The following CTCF variants were observed in gnomAD, a reference collection of about 807,000 sequenced individuals.
The protein encoded by CTCF is transcriptional repressor CTCF.
In CTCF, 7 loss-of-function variants were observed where a neutral mutation model predicts 72.3. The observed-to-expected ratio is 0.10, with a 90% confidence interval of 0.06 to 0.18. The LOEUF is 0.18. CTCF is among the 10% of genes least tolerant of loss of function. CTCF has a pLI of 1.00. For synonymous variants in CTCF, 374 were observed against 315.8 expected, an observed-to-expected ratio of 1.18 and a Z score of -1.95; for missense variants, 516 against 949.1, an observed-to-expected ratio of 0.54 and a Z score of 6.00.
At position 67,637,868 on chromosome 16, in the gene CTCF, G is replaced by A. The variant is rs1422302518; in HGVS notation, c.2180G>A (p.Arg727Gln). 6.2e-7 allele frequency: 1 copy of A among 1,607,952 alleles called. No homozygotes were observed. Among genetic ancestry groups the A allele is most frequent in the Admixed American group, 1.7e-5 (1 of 59,356 alleles). Reference protein sequence around the residue: ...TPEMILSMMDR With the variant: ...TPEMILSMMDQ ...GAGATGATCCTCAGCATGATGGACC[G>A]GTGATGGCGGAGCCTTGTGCGTCGC... The change falls in exon 12 of 12, where the codon CGG (arginine) becomes CAG (glutamine). Residue 727 changes from arginine (R) to glutamine (Q), a missense_variant. Arg to Gln is a conservative substitution (Grantham distance 43, BLOSUM62 1). Coordinates refer to ENST00000264010, the MANE Select transcript of CTCF (RefSeq NM_006565.4).
chr16:67,589,819 G>T (rs545253598), intron 2 of CTCF, among the ~76,000 whole-genome samples: 5 of 152,134 alleles, frequency 3.3e-5, no homozygotes, highest in Non-Finnish European at 5.9e-5. Flanking sequence ...GGACGCGGTG[G>T]CTCACACCTG....
chr16:67,582,331 G>A (rs2051594503), intron 2 of CTCF, among the ~76,000 whole-genome samples: 1 of 152,060 alleles, frequency 6.6e-6, no homozygotes, highest in Non-Finnish European at 1.5e-5. Context: ...AGCAGTCCTT[G>A]TTTGCCCTGA....
chr16:67,637,374 A>G (rs919754184), intron 11 of CTCF, among the ~76,000 whole-genome samples: 3 of 152,156 alleles, frequency 2.0e-5, no homozygotes, highest in African/African-American at 7.2e-5. Context: ...TCTGCTAAAA[A>G]TACAAAAATT....
chr16:67,618,165 G>A (rs1184935924), intron 5 of CTCF, among the ~76,000 whole-genome samples: 1 of 152,236 alleles, frequency 6.6e-6, no homozygotes, highest in Non-Finnish European at 1.5e-5. Context: ...AGTACTTTGG[G>A]AGGTTGAGGT....
intron 5 of CTCF, among the ~76,000 whole-genome samples, chr16:67,618,029 T>C (rs1056892707): frequency 1.1e-4 from 16 of 152,206 alleles, no homozygotes; most frequent in Non-Finnish European, 4.4e-5. Context: ...TTTCTGTAGA[T>C]GGGATGGGAG....
intron 2 of CTCF, among the ~76,000 whole-genome samples, chr16:67,577,653 G>A (rs2051517347): frequency 6.6e-6 from 1 of 151,480 alleles, no homozygotes; most frequent in African/African-American, 2.4e-5. Context: ...CACTGTGTTA[G>A]CCAGGATGGT....
chr16:67,632,470 G>A (rs148696715), intron 10 of CTCF, among the ~76,000 whole-genome samples: 30 of 152,266 alleles, frequency 2.0e-4, no homozygotes, highest in African/African-American at 5.3e-4. Flanking sequence ...GAAAAGGGAC[G>A]TCAGCCTGGG....
intron 1 of CTCF, among the ~76,000 whole-genome samples, chr16:67,564,739 C>T (rs1456913217): frequency 6.6e-6 from 1 of 152,054 alleles, no homozygotes; most frequent in Non-Finnish European, 1.5e-5. Context: ...TATAATCGAG[C>T]CAGGAGTAAA....
intron 2 of CTCF, among the ~76,000 whole-genome samples, chr16:67,582,899 C>T (rs2051606355): frequency 6.6e-6 from 1 of 151,754 alleles, no homozygotes; most frequent in Non-Finnish European, 1.5e-5. Flanking sequence ...TGTAGATTAT[C>T]CTATCACGTA....
intron 2 of CTCF, among the ~76,000 whole-genome samples, chr16:67,597,737 T>C (rs1327659057): frequency 6.6e-6 from 1 of 152,230 alleles, no homozygotes; most frequent in Non-Finnish European, 1.5e-5. Context: ...CTGGTACCTT[T>C]TATGCAGTAA....
chr16:67,586,519 G>C (rs2051670905), intron 2 of CTCF, among the ~76,000 whole-genome samples: 1 of 150,032 alleles, frequency 6.7e-6, no homozygotes, highest in Non-Finnish European at 1.5e-5. Flanking sequence ...CTGGGCGACA[G>C]AGTGAGACTC....
chr16:67,610,813 C>A lies in CTCF; in HGVS notation c.-9-11C>A. 6.9e-7 allele frequency: 1 copy of A among 1,447,890 alleles called. No individual in the cohort carries two copies. Among genetic ancestry groups the A allele is most frequent in the Non-Finnish European group, 9.1e-7 (1 of 1,094,834 alleles). The allele number at this position is 1,447,890 out of a possible 1,614,324, so 89.7% of individuals were successfully genotyped here. A position where few individuals can be genotyped will look rare whatever the true frequency, so the allele number is the denominator to read the frequency against. On this transcript the variant is annotated splice_polypyrimidine_tract_variant and intron_variant, in intron 2 of 11. Coordinates refer to ENST00000264010, the MANE Select transcript of CTCF (RefSeq NM_006565.4). Reference sequence around the variant, plus strand: ...GCTTTAAATAACAATCTGTGTTCTCCCTTAATAAAGGCAGGGGAAATGGAA... The same window carrying A: ...GCTTTAAATAACAATCTGTGTTCTCACTTAATAAAGGCAGGGGAAATGGAA...
intron 2 of CTCF, among the ~76,000 whole-genome samples, chr16:67,606,061 A>T (rs1377551276): frequency 6.6e-6 from 1 of 152,208 alleles, no homozygotes; most frequent in Admixed American, 6.6e-5. Context: ...TTCTCTGCCC[A>T]GAAAGCATAA....
intron 2 of CTCF, among the ~76,000 whole-genome samples, chr16:67,586,669 A>G (rs1186573295): frequency 2.0e-5 from 3 of 151,758 alleles, no homozygotes; most frequent in Admixed American, 6.6e-5. Context: ...ACAAAGTAAC[A>G]TTTTGTTTCT....
At chr16:67,615,667 G>A (rs2052122634) in intron 4 of CTCF, 1 of 152,160 alleles carries the variant, frequency 6.6e-6, no homozygotes, top group African/African-American at 2.4e-5. Context: ...CTTGTTAATT[G>A]TTTTACTTCT....
chr16:67,636,978 C>T, intron 11 of CTCF, 127 bp downstream of exon 11: 1 of 860,736 alleles, frequency 1.2e-6, no homozygotes. Flanking sequence ...ATGTCGAGAA[C>T]AAACTCTCAG....
intron 2 of CTCF, among the ~76,000 whole-genome samples, chr16:67,601,287 C>G (rs1406012900): frequency 1.5e-5 from 2 of 131,260 alleles, no homozygotes; most frequent in Non-Finnish European, 3.3e-5. Context: ...GAGTCTCACT[C>G]TGTCACCGTG....
At chr16:67,618,263 A>G (rs1423176060) in intron 5 of CTCF, among the ~76,000 whole-genome samples, 1 of 152,138 alleles carries the variant, frequency 6.6e-6, no homozygotes, top group Non-Finnish European at 1.5e-5. Flanking sequence ...TTAGCTGGGC[A>G]TGGCAGCATG....
chr16:67,571,592 A>G (rs1445388091), intron 2 of CTCF, among the ~76,000 whole-genome samples: 1 of 152,210 alleles, frequency 6.6e-6, no homozygotes, highest in Non-Finnish European at 1.5e-5. Flanking sequence ...GTACATAGAA[A>G]GATCCCAGGA....
Sources: allele counts gnomAD v4.1 joint callset (sites outside exome capture counted in the v4.1 genomes callset), GRCh38; gene constraint gnomAD v4.1.1; transcripts MANE v1.5; gene names NCBI Gene and HGNC (gene_info 2026-07-23, HGNC 2026-07-21).